The following POFUT1 variants were observed in gnomAD, a reference collection of about 807,000 sequenced individuals.
The protein encoded by POFUT1 is GDP-fucose protein O-fucosyltransferase 1.
Under a neutral mutation model 42.4 loss-of-function variants are expected in POFUT1, and 16 were observed. That is an observed-to-expected ratio of 0.38 (90% CI 0.26 to 0.57). POFUT1 has a LOEUF of 0.57. POFUT1 is among the 20% of genes least tolerant of loss of function. POFUT1 has a pLI of 0.71. For synonymous variants in POFUT1, 206 were observed against 205.4 expected, an observed-to-expected ratio of 1.00 and a Z score of -0.03; for missense variants, 470 against 504.6, an observed-to-expected ratio of 0.93 and a Z score of 0.66.
At chr20:32,223,203 T>C (rs527805628) in intron 4 of POFUT1, 2 of 985,406 alleles carry the variant, frequency 2.0e-6, no homozygotes, top group African/African-American at 1.7e-5. Context: ...TTCAGCTGGA[T>C]AGCAAGAGGC....
intron 4 of POFUT1, among the ~76,000 whole-genome samples, chr20:32,220,184 A>G (rs746502377): frequency 6.6e-6 from 1 of 152,242 alleles, no homozygotes; most frequent in East Asian, 1.9e-4. Flanking sequence ...CATCGTATGT[A>G]TATACCACAT....
chr20:32,232,283 A>G (rs1453728761), intron 6 of POFUT1, among the ~76,000 whole-genome samples: 1 of 151,980 alleles, frequency 6.6e-6, no homozygotes, highest in African/African-American at 2.4e-5. Flanking sequence ...CTGGCCTAAC[A>G]TAGCGAGACC....
Position 32,231,012 on chromosome 20 carries a change from C to T in POFUT1, c.929C>T (p.Thr310Ile). 1 of 1,614,198 alleles carries T rather than the reference C, an allele frequency of 6.2e-7. No homozygotes were observed. Among genetic ancestry groups the T allele is most frequent in the Non-Finnish European group, 8.5e-7 (1 of 1,180,034 alleles). Residue 310 changes from threonine (T) to isoleucine (I), a missense_variant, in exon 6 of 7, where the codon ACT becomes ATT. Thr to Ile is a moderately conservative substitution (Grantham distance 89). Coordinates refer to ENST00000375749, the MANE Select transcript of POFUT1 (RefSeq NM_015352.2). ...SLDAQSVYVATDSESYVPELQ... is the reference protein window; with the variant it reads ...SLDAQSVYVAIDSESYVPELQ... ...GATGCCCAGTCGGTCTACGTTGCTACTGATTCCGAGAGTTATGTGCCTGAG... is the reference window on the plus strand; with the variant it reads ...GATGCCCAGTCGGTCTACGTTGCTATTGATTCCGAGAGTTATGTGCCTGAG...
chr20:32,228,199 C>T (rs2047424260), intron 4 of POFUT1, 64 bp from the exon 5 acceptor site: 13 of 1,391,064 alleles, frequency 9.3e-6, no homozygotes, highest in South Asian at 1.3e-5. Flanking sequence ...TCCTTTTTCC[C>T]GTGGGGGTGG....
intron 2 of POFUT1, among the ~76,000 whole-genome samples, chr20:32,210,565 C>G (rs188377467): frequency 6.6e-6 from 1 of 152,306 alleles, no homozygotes; most frequent in East Asian, 1.9e-4. Context: ...CCTGATTGGT[C>G]CTACCCTCTG....
intron 4 of POFUT1, among the ~76,000 whole-genome samples, chr20:32,226,058 C>T (rs999659896): frequency 2.6e-5 from 4 of 152,156 alleles, no homozygotes; most frequent in Non-Finnish European, 5.9e-5. Context: ...ACATTACCCT[C>T]TGGGAAGGAT....
chr20:32,218,729 G>T (rs776381905), intron 4 of POFUT1, among the ~76,000 whole-genome samples: 1 of 151,002 alleles, frequency 6.6e-6, no homozygotes, highest in Non-Finnish European at 1.5e-5. Context: ...AATATGCCAG[G>T]AAAAAAAGAA....
chr20:32,225,544 A>G (rs2047410759), intron 4 of POFUT1, among the ~76,000 whole-genome samples: 1 of 152,166 alleles, frequency 6.6e-6, no homozygotes, highest in Admixed American at 6.6e-5. Context: ...GCTGGAGTGC[A>G]GTGGCACGAT....
At chr20:32,231,953 T>C (rs1243416679) in intron 6 of POFUT1, among the ~76,000 whole-genome samples, 1 of 152,138 alleles carries the variant, frequency 6.6e-6, no homozygotes, top group Non-Finnish European at 1.5e-5. Context: ...AGGCAATGAG[T>C]GAGTACGTAT....
At chr20:32,223,064 C>G in intron 4 of POFUT1, 2 of 985,400 alleles carry the variant, frequency 2.0e-6, no homozygotes, top group Non-Finnish European at 2.4e-6. Context: ...CCCACAGATA[C>G]ATACTGGACA....
At chr20:32,221,117 C>T (rs2047389041) in intron 4 of POFUT1, among the ~76,000 whole-genome samples, 1 of 152,076 alleles carries the variant, frequency 6.6e-6, no homozygotes. Flanking sequence ...GGGCAGGGGT[C>T]AAAACACGCG....
rs554422373 is a variant in POFUT1 at position 32,228,434 on chromosome 20, T to C, written c.714T>C (p.His238=). 6.2e-6 allele frequency: 10 copies of C among 1,614,134 alleles called. No individual in the cohort carries two copies. In the East Asian group the frequency reaches 2.2e-4, roughly 36 times the overall value. The part of the protein sequence containing the change: ...AHLVRPYVGI[H]LRIGSDWKNA... ...TTGTCCGGCCCTATGTGGGCATTCA[T>C]CTGCGCATTGGCTCTGACTGGGTAA... The change falls in exon 5 of 7, where the codon CAT becomes CAC. Residue 238 remains histidine, a synonymous_variant. Transcript: ENST00000375749.
chr20:32,219,645 C>T (rs890932844), intron 4 of POFUT1, among the ~76,000 whole-genome samples: 3 of 151,926 alleles, frequency 2.0e-5, no homozygotes, highest in Middle Eastern at 3.4e-3. Flanking sequence ...TACAGGCGCC[C>T]GCCACCACGC....
At position 32,236,647 on chromosome 20, in the gene POFUT1, T is replaced by G. The variant is rs1490932260; in HGVS notation, c.*1986T>G. 2 of 152,232 alleles carry G rather than the reference T, an allele frequency of 1.3e-5. No homozygotes were observed. The highest frequency in any genetic ancestry group is 2.9e-5 in the Non-Finnish European group (2 of 68,042). 9.4% of individuals were successfully genotyped at this position (152,232 alleles called of 1,614,324 possible). ...AAAATGGTGATAAAAACCGACAGGT[T>G]GTTCAAAGGCCCAGATCAGCTAAAG... On this transcript the variant is annotated 3_prime_UTR_variant, in exon 7 of 7. Transcript: ENST00000375749.
chr20:32,230,733 A>AG, intron 5 of POFUT1, 86 bp from the exon 6 acceptor site: 1 of 1,469,194 alleles, frequency 6.8e-7, no homozygotes, highest in Non-Finnish European at 9.3e-7. Context: ...CTTCCTGTAT[A>AG]GCCTGTCTTT....
Position 32,234,856 on chromosome 20 carries a change from C to T in POFUT1, c.*195C>T. On this transcript the variant is annotated 3_prime_UTR_variant, in exon 7 of 7. Coordinates refer to ENST00000375749, the MANE Select transcript of POFUT1 (RefSeq NM_015352.2). ...CCCAGGGCATAGGACTTGCAGGTTC[C>T]TAGGAGCAGGAGCATCTCCCATCGC... The T allele has an allele frequency of 1.9e-6, 1 of 526,650 alleles. No homozygotes were observed. Among genetic ancestry groups the T allele is most frequent in the East Asian group, 3.1e-5 (1 of 32,036 alleles). The allele number at this position is 526,650 out of a possible 1,614,324, so 32.6% of individuals were successfully genotyped here.
chr20:32,217,501 C>A (rs779516100), intron 4 of POFUT1: 31 of 989,254 alleles, frequency 3.1e-5, no homozygotes, highest in Non-Finnish European at 3.7e-5. Context: ...AATCCCAGCA[C>A]TTTGGGAGGC....
chr20:32,227,390 C>G (rs1297438538), intron 4 of POFUT1, among the ~76,000 whole-genome samples: 1 of 152,100 alleles, frequency 6.6e-6, no homozygotes, highest in Non-Finnish European at 1.5e-5. Flanking sequence ...CCTGGTGGCA[C>G]TTATCTGTAG....
intron 4 of POFUT1, chr20:32,217,055 G>A: frequency 6.2e-7 from 1 of 1,613,868 alleles, no homozygotes; most frequent in South Asian, 1.1e-5. Context: ...AGGTGAAACT[G>A]GAAGCAGCTT....
Sources: gnomAD v4.1 joint callset for allele counts (sites outside exome capture counted in the v4.1 genomes callset) on GRCh38, gnomAD v4.1.1 for gene constraint, MANE v1.5 for transcripts, NCBI Gene and HGNC (gene_info 2026-07-23, HGNC 2026-07-21) for gene names.